The following ADIPOR2 variants were observed in gnomAD, a reference collection of about 807,000 sequenced individuals.
The protein encoded by ADIPOR2 is adiponectin receptor 2.
A neutral mutation model predicts 40.9 loss-of-function variants in ADIPOR2; 18 were observed. The ratio of observed to expected loss-of-function variants is 0.44; its 90% CI spans 0.30 to 0.65. The LOEUF (loss-of-function observed/expected upper bound fraction) is 0.65. Ranked by LOEUF, ADIPOR2 falls within the 30% of genes least tolerant of loss-of-function variation. ADIPOR2 has a pLI of 0.09. For synonymous variants in ADIPOR2, 165 were observed against 166.4 expected, an observed-to-expected ratio of 0.99 and a Z score of 0.06; for missense variants, 283 against 479.2, an observed-to-expected ratio of 0.59 and a Z score of 3.82.
intron 2 of ADIPOR2, among the ~76,000 whole-genome samples, chr12:1,761,834 A>G (rs944212110): frequency 2.6e-5 from 4 of 152,216 alleles, no homozygotes; most frequent in African/African-American, 9.6e-5. Context: ...GTGCTGTCCA[A>G]TATATTCTTC....
intron 1 of ADIPOR2, among the ~76,000 whole-genome samples, chr12:1,714,794 C>T (rs1416354661): frequency 6.6e-6 from 1 of 152,162 alleles, no homozygotes; most frequent in Non-Finnish European, 1.5e-5. Flanking sequence ...AAGCTGCATT[C>T]TTTTCATTAA....
chr12:1,761,401 A>G (rs959434235), intron 2 of ADIPOR2, among the ~76,000 whole-genome samples: 1 of 152,186 alleles, frequency 6.6e-6, no homozygotes, highest in Non-Finnish European at 1.5e-5. Flanking sequence ...TCTGGGTTAT[A>G]TGTTAACTCT....
At chr12:1,739,672 G>A (rs918777391) in intron 1 of ADIPOR2, among the ~76,000 whole-genome samples, 4 of 152,162 alleles carry the variant, frequency 2.6e-5, no homozygotes, top group Non-Finnish European at 5.9e-5. Context: ...TGTGGCCCAC[G>A]AAACCTAAAA....
intron 1 of ADIPOR2, chr12:1,697,679 CAAA>C (rs1256932543): frequency 3.3e-5 from 5 of 152,462 alleles, no homozygotes; most frequent in African/African-American, 1.2e-4. Flanking sequence ...CTTGGAAGTT[CAAA>C]AAAGAGCTCT....
rs1470631679 is a variant in ADIPOR2 at position 1,781,062 on chromosome 12, G to A, written c.824G>A (p.Arg275Gln). The A allele has an allele frequency of 1.2e-6, 2 of 1,604,382 alleles. No individual in the cohort carries two copies. Among genetic ancestry groups the A allele is most frequent in the Non-Finnish European group, 8.5e-7 (1 of 1,176,386 alleles). ...QWDMFATPQY[R>Q]GVRAGVFLGL... The stretch of plus-strand genomic sequence containing the variant: ...GACATGTTTGCCACCCCTCAGTATC[G>A]GGGAGTAAGAGCAGGTAAGAGCACG... The change falls in exon 6 of 8, where the codon CGG becomes CAG. Residue 275 changes from arginine (R) to glutamine (Q), a missense_variant. Around this residue, in one of 3 missense-constraint regions of ADIPOR2, gnomAD observed 106 missense variants for 149.7 expected, o/e 0.71. Coordinates refer to ENST00000357103, the MANE Select transcript of ADIPOR2 (RefSeq NM_024551.3).
intron 1 of ADIPOR2, among the ~76,000 whole-genome samples, chr12:1,735,792 G>A (rs2094729212): frequency 6.6e-6 from 1 of 152,266 alleles, no homozygotes; most frequent in Non-Finnish European, 1.5e-5. Flanking sequence ...TTTATTGAGA[G>A]TTTTAGCATG....
At chr12:1,724,435 A>G (rs1297826162) in intron 1 of ADIPOR2, among the ~76,000 whole-genome samples, 1 of 152,234 alleles carries the variant, frequency 6.6e-6, no homozygotes, top group Non-Finnish European at 1.5e-5. Flanking sequence ...TGAGGTACTT[A>G]GAGTAGTACA....
chr12:1,781,158 C>T, intron 6 of ADIPOR2, 82 bp downstream of exon 6: 1 of 1,375,588 alleles, frequency 7.3e-7, no homozygotes, highest in East Asian at 2.5e-5. Context: ...CTACCATTTG[C>T]CAAACATTAT....
At chr12:1,751,332 A>G (rs1394511991) in intron 1 of ADIPOR2, among the ~76,000 whole-genome samples, 44 of 152,170 alleles carry the variant, frequency 2.9e-4, no homozygotes, top group Non-Finnish European at 4.4e-5. Context: ...TCAATTTAGA[A>G]AACAGTATTG....
chr12:1,775,958 C>G (rs1245284686), intron 3 of ADIPOR2, among the ~76,000 whole-genome samples: 2 of 152,104 alleles, frequency 1.3e-5, no homozygotes, highest in Admixed American at 6.5e-5. Context: ...ATAGATTAGT[C>G]TTTTGGCATT....
chr12:1,777,778 A>G (rs1454878938), intron 3 of ADIPOR2, 76 bp from the exon 4 acceptor site: 33 of 1,381,096 alleles, frequency 2.4e-5, no homozygotes, highest in Non-Finnish European at 2.9e-5. Flanking sequence ...GTGTGATAAG[A>G]CACAGTTGTT....
chr12:1,785,744 C>T (rs553388123), intron 7 of ADIPOR2, among the ~76,000 whole-genome samples, 200 bp from the exon 8 acceptor site: 60 of 152,288 alleles, frequency 3.9e-4, no homozygotes, highest in South Asian at 8.3e-4. Context: ...TCTTTGGGAA[C>T]AGCTGGCTTT....
At chr12:1,735,853 CA>C (rs1398622073) in intron 1 of ADIPOR2, among the ~76,000 whole-genome samples, 2 of 152,162 alleles carry the variant, frequency 1.3e-5, no homozygotes, top group Non-Finnish European at 2.9e-5. Context: ...TTGAGATAAT[CA>C]TATGGTTTTT....
chr12:1,693,019 G>A (rs1010701403), intron 1 of ADIPOR2, among the ~76,000 whole-genome samples: 5 of 152,210 alleles, frequency 3.3e-5, no homozygotes, highest in South Asian at 2.1e-4. Context: ...GCCGGGTGTG[G>A]TGGCGCACTC....
At chr12:1,716,556 C>G (rs530636269) in intron 1 of ADIPOR2, among the ~76,000 whole-genome samples, 2 of 152,326 alleles carry the variant, frequency 1.3e-5, no homozygotes, top group African/African-American at 2.4e-5. Context: ...TATATTAAAA[C>G]TGCATTGCAG....
intron 1 of ADIPOR2, among the ~76,000 whole-genome samples, chr12:1,737,348 T>G (rs1317671687): frequency 2.0e-5 from 3 of 152,010 alleles, no homozygotes; most frequent in African/African-American, 4.8e-5. Context: ...TGTTGTTGTT[T>G]TTTTTCTTAC....
chr12:1,755,830 A>G (rs1030763105), intron 2 of ADIPOR2, among the ~76,000 whole-genome samples: 1 of 152,262 alleles, frequency 6.6e-6, no homozygotes. Flanking sequence ...TTAAAGATCA[A>G]AATAGAATAA....
chr12:1,755,881 A>G (rs1314589221), intron 2 of ADIPOR2, among the ~76,000 whole-genome samples: 1 of 152,142 alleles, frequency 6.6e-6, no homozygotes. Context: ...ACACATTTAA[A>G]TTGTTTTAGT....
intron 1 of ADIPOR2, among the ~76,000 whole-genome samples, chr12:1,727,635 T>A (rs2094710610): frequency 6.6e-6 from 1 of 152,072 alleles, no homozygotes; most frequent in Non-Finnish European, 1.5e-5. Context: ...CCTCAGTGGA[T>A]TCCAAGAATC....
Sources: allele counts gnomAD v4.1 joint callset (sites outside exome capture counted in the v4.1 genomes callset), GRCh38; gene constraint gnomAD v4.1.1; regional missense constraint gnomAD v4.1.1; transcripts MANE v1.5; gene names NCBI Gene and HGNC (gene_info 2026-07-23, HGNC 2026-07-21).